ADGRG6: variants seen among roughly 807,000 people sequenced by gnomAD.
ADGRG6 encodes G-protein coupled receptor 126.
ADGRG6 carries 84 observed loss-of-function variants against 142.4 expected under a neutral mutation model. The observed-to-expected ratio is 0.59, with a 90% CI of 0.49 to 0.71. ADGRG6 has a LOEUF of 0.71. ADGRG6 is among the 30% of genes least tolerant of loss of function. ADGRG6 has a pLI of 0.00. For synonymous variants in ADGRG6, 521 were observed against 520.5 expected (o/e 1.00, Z -0.01); for missense variants, 1,367 against 1,466.6 (o/e 0.93, Z 1.11).
At chr6:142,369,078 T>A (rs1781092821) in intron 3 of ADGRG6, among the ~76,000 whole-genome samples, 1 of 152,178 alleles carries the variant, frequency 6.6e-6, no homozygotes. Flanking sequence ...ACTAAAACGA[T>A]GTTTTATTAT....
chr6:142,405,596 C>T (rs910339154), intron 14 of ADGRG6, 92 bp from the exon 15 acceptor site: 2 of 1,020,936 alleles, frequency 2.0e-6, no homozygotes, highest in African/African-American at 1.6e-5. Flanking sequence ...TTTGAACTTG[C>T]AATTGTTCAC....
chr6:142,303,869 G>C (rs1409848238), intron 1 of ADGRG6, among the ~76,000 whole-genome samples: 1 of 152,114 alleles, frequency 6.6e-6, no homozygotes, highest in East Asian at 1.9e-4. Flanking sequence ...ATGAAATTAA[G>C]TTATATAGTC....
At chr6:142,318,026 TA>T (rs1468347621) in intron 2 of ADGRG6, among the ~76,000 whole-genome samples, 1 of 50,668 alleles carries the variant, frequency 2.0e-5, no homozygotes, top group African/African-American at 8.9e-5. Flanking sequence ...TTATATATAT[TA>T]TATATAATAT....
At chr6:142,304,472 T>C (rs1031895059) in intron 1 of ADGRG6, among the ~76,000 whole-genome samples, 3 of 152,184 alleles carry the variant, frequency 2.0e-5, no homozygotes, top group African/African-American at 7.2e-5. Context: ...TTGTGCTTTT[T>C]CAATATGAAT....
chr6:142,414,039 T>C (rs1582653774), intron 18 of ADGRG6, among the ~76,000 whole-genome samples: 1 of 152,196 alleles, frequency 6.6e-6, no homozygotes, highest in Middle Eastern at 3.4e-3. Context: ...TTCTCCATAA[T>C]TTAAAACCTA....
chr6:142,354,384 AAAACAAAC>A (rs531052289), intron 2 of ADGRG6, among the ~76,000 whole-genome samples: 2 of 152,160 alleles, frequency 1.3e-5, no homozygotes, highest in Non-Finnish European at 2.9e-5. Context: ...CTCTATCTCA[AAAACAAAC>A]AAACAAACAA....
Position 142,403,836 on chromosome 6 carries a change from A to G in ADGRG6, c.1990A>G (p.Ile664Val), listed in dbSNP as rs370043073. Residue 664 changes from isoleucine to valine, a missense_variant, in exon 14 of 25, where the codon ATA (isoleucine) becomes GTA (valine). Physicochemically the swap from Ile to Val is conservative, Grantham distance 29 (BLOSUM62 3). Coordinates refer to ENST00000367609, the MANE Select transcript of ADGRG6 (RefSeq NM_198569.3). ...AACAATTGATGAATTGGCCTTCAAGATAGACCTAAATAGCACATCACATGT... is the reference window on the plus strand; with the variant it reads ...AACAATTGATGAATTGGCCTTCAAGGTAGACCTAAATAGCACATCACATGT... The part of the protein sequence containing the change: ...LKTIDELAFK[I>V]DLNSTSHVNI... 3.8e-6 allele frequency: 6 copies of G among 1,599,910 alleles called. No homozygotes were observed. Among genetic ancestry groups the G allele is most frequent in the East Asian group, 4.5e-5 (2 of 44,616 alleles).
At chr6:142,399,217 G>A (rs11759653) in intron 10 of ADGRG6, among the ~76,000 whole-genome samples, 31,271 of 152,084 alleles carry the variant, frequency 0.21, 3,302 homozygotes, top group African/African-American at 0.24. Flanking sequence ...CTTGAAGAGG[G>A]CGATTGCGAC....
At chr6:142,324,466 C>A (rs1778665152) in intron 2 of ADGRG6, among the ~76,000 whole-genome samples, 1 of 152,124 alleles carries the variant, frequency 6.6e-6, no homozygotes, top group South Asian at 2.1e-4. Flanking sequence ...TTCCCTACCT[C>A]CACACCATTT....
intron 17 of ADGRG6, 48 bp from the exon 18 acceptor site, chr6:142,411,257 A>C (rs1173149990): frequency 2.0e-6 from 2 of 1,000,152 alleles, no homozygotes; most frequent in Non-Finnish European, 3.2e-6. Context: ...CATTATAGAG[A>C]AGAAACTGAC....
At chr6:142,406,183 G>A (rs1775795901) in intron 15 of ADGRG6, among the ~76,000 whole-genome samples, 1 of 72,166 alleles carries the variant, frequency 1.4e-5, no homozygotes, top group South Asian at 6.8e-4. Flanking sequence ...GCACACCAAA[G>A]GAAAGGGTTT....
intron 2 of ADGRG6, among the ~76,000 whole-genome samples, chr6:142,353,794 A>C (rs1457772269): frequency 1.3e-5 from 2 of 152,214 alleles, no homozygotes; most frequent in African/African-American, 4.8e-5. Flanking sequence ...TTTGAATTGA[A>C]AGGCTGTACC....
chr6:142,304,156 T>C (rs779698524), intron 1 of ADGRG6, among the ~76,000 whole-genome samples: 1 of 152,212 alleles, frequency 6.6e-6, no homozygotes, highest in Non-Finnish European at 1.5e-5. Flanking sequence ...ATTAATATTC[T>C]TACTATCTTG....
chr6:142,348,480 T>C (rs952077844), intron 2 of ADGRG6, among the ~76,000 whole-genome samples: 1 of 152,182 alleles, frequency 6.6e-6, no homozygotes, highest in Non-Finnish European at 1.5e-5. Context: ...TATTAAAAAG[T>C]ATCCCTCCTC....
intron 4 of ADGRG6, among the ~76,000 whole-genome samples, chr6:142,380,893 G>C (rs928696879): frequency 2.6e-5 from 4 of 152,150 alleles, no homozygotes; most frequent in Non-Finnish European, 5.9e-5. Flanking sequence ...GTAGGCAATA[G>C]GTAAATGTTT....
chr6:142,347,936 G>GT (rs985711106), intron 2 of ADGRG6, among the ~76,000 whole-genome samples: 4 of 152,140 alleles, frequency 2.6e-5, no homozygotes, highest in African/African-American at 9.6e-5. Context: ...AAACTACCAT[G>GT]TTTTTTCTGG....
At chr6:142,418,916 A>C (rs899857158) in intron 21 of ADGRG6, among the ~76,000 whole-genome samples, 1 of 152,156 alleles carries the variant, frequency 6.6e-6, no homozygotes, top group Non-Finnish European at 1.5e-5. Flanking sequence ...ACAACTTTGC[A>C]TATAGTACAG....
At chr6:142,411,478 A>T (rs1171953478) in intron 18 of ADGRG6, 67 bp downstream of exon 18, 3 of 803,708 alleles carry the variant, frequency 3.7e-6, no homozygotes, top group Admixed American at 1.7e-5. Flanking sequence ...CCTTTTTTGT[A>T]TGTATTTTTA....
chr6:142,390,769 C>T (rs1410835952), intron 7 of ADGRG6, among the ~76,000 whole-genome samples: 1 of 151,856 alleles, frequency 6.6e-6, no homozygotes, highest in African/African-American at 2.4e-5. Flanking sequence ...ATGGAACCAA[C>T]CCAATAACCA....
Sources: allele counts gnomAD v4.1 joint callset (sites outside exome capture counted in the v4.1 genomes callset), GRCh38; gene constraint gnomAD v4.1.1; transcripts MANE v1.5; gene names NCBI Gene and HGNC (gene_info 2026-07-23, HGNC 2026-07-21).